SLC2A9: variants seen among roughly 807,000 people sequenced by gnomAD.
SLC2A9 encodes the protein solute carrier family 2 member 9.
A neutral mutation model predicts 50.6 loss-of-function variants in SLC2A9; 39 were observed. That is an observed-to-expected ratio of 0.77 (90% CI 0.60 to 1.01). SLC2A9 has a LOEUF of 1.01. SLC2A9 is among the 50% of genes least tolerant of loss of function. The probability of loss-of-function intolerance (pLI) is 0.00; values close to 1 mark genes in which losing one functional copy is unlikely to be tolerated. For synonymous variants in SLC2A9, 324 were observed against 276.9 expected (o/e 1.17, Z -1.69); for missense variants, 686 against 677.6 (o/e 1.01, Z -0.14).
chr4:9,956,806 C>A (rs1458018367), intron 5 of SLC2A9, among the ~76,000 whole-genome samples: 1 of 152,048 alleles, frequency 6.6e-6, no homozygotes. Flanking sequence ...TTGTCCATGC[C>A]GATTTATCTT....
chr4:9,773,944 T>C (rs1426408568), intron 1 of SLC2A9, among the ~76,000 whole-genome samples: 2 of 152,092 alleles, frequency 1.3e-5, no homozygotes, highest in East Asian at 1.9e-4. Flanking sequence ...TAAGGTCTTA[T>C]TGATACACAG....
intron 6 of SLC2A9, chr4:9,922,965 C>T (rs996386107): frequency 1.3e-5 from 2 of 152,558 alleles, no homozygotes; most frequent in African/African-American, 2.4e-5. Context: ...GTCCGCCCCC[C>T]ACCCCTCCAT....
intron 8 of SLC2A9, among the ~76,000 whole-genome samples, chr4:9,899,181 T>C (rs1323546467): frequency 1.3e-5 from 2 of 152,248 alleles, no homozygotes; most frequent in Non-Finnish European, 2.9e-5. Context: ...AGCTGTTTCC[T>C]AATCCTGACA....
rs115847025 is a variant in SLC2A9, at chr4:10,012,516, A to T, written c.249+6459T>A. On this transcript the variant is annotated intron_variant, in intron 2 of 11. Coordinates refer to ENST00000264784, the MANE Select transcript of SLC2A9 (RefSeq NM_020041.3). ...TGAAGGGAAGGAGGACAAGAAGTAA[A>T]GGAATATGTCATATCTCAGGTAGTG... 6.5e-3 allele frequency among the ~76,000 whole-genome samples: 989 copies of T among 152,346 alleles called. 8 individuals carry two copies. Among genetic ancestry groups the T allele is most frequent in the African/African-American group, 0.02 (849 of 41,580 alleles).
At chr4:9,831,715 T>C (rs1325942186) in intron 11 of SLC2A9, among the ~76,000 whole-genome samples, 1 of 152,154 alleles carries the variant, frequency 6.6e-6, no homozygotes, top group Non-Finnish European at 1.5e-5. Context: ...CTGCTGACCT[T>C]GAAGGGCAAG....
At chr4:9,930,531 C>T (rs1745714354) in intron 6 of SLC2A9, among the ~76,000 whole-genome samples, 1 of 152,180 alleles carries the variant, frequency 6.6e-6, no homozygotes, top group South Asian at 2.1e-4. Context: ...GCAGCGCTTG[C>T]ACTAGGGGAA....
At chr4:10,001,630 G>A (rs148362820) in intron 2 of SLC2A9, among the ~76,000 whole-genome samples, 516 of 152,086 alleles carry the variant, frequency 3.4e-3, no homozygotes, top group African/African-American at 0.012. Context: ...GGTCCAAACT[G>A]CCATCCCCTC....
At chr4:9,936,554 T>C (rs1747118999) in intron 6 of SLC2A9, among the ~76,000 whole-genome samples, 1 of 152,198 alleles carries the variant, frequency 6.6e-6, no homozygotes, top group African/African-American at 2.4e-5. Context: ...CCAGAATGTT[T>C]CTCAAGCACT....
intron 5 of SLC2A9, among the ~76,000 whole-genome samples, chr4:9,980,285 A>G (rs116839315): frequency 6.6e-6 from 1 of 152,202 alleles, no homozygotes; most frequent in Non-Finnish European, 1.5e-5. Flanking sequence ...GCCACAATAA[A>G]CTATATATGT....
intron 10 of SLC2A9, among the ~76,000 whole-genome samples, chr4:9,836,043 A>G (rs2109158976): frequency 6.8e-6 from 1 of 146,844 alleles, no homozygotes; most frequent in East Asian, 2.0e-4. Context: ...GCCGAGATCA[A>G]GCATATTGCA....
intron 3 of SLC2A9, among the ~76,000 whole-genome samples, chr4:9,809,500 G>C (rs1722571757): frequency 6.6e-6 from 1 of 152,208 alleles, no homozygotes; most frequent in Non-Finnish European, 1.5e-5. Context: ...GAAGGGAGCA[G>C]AATGGCCCGG....
At chr4:9,901,715 C>T (rs1342834131) in intron 8 of SLC2A9, among the ~76,000 whole-genome samples, 1 of 152,204 alleles carries the variant, frequency 6.6e-6, no homozygotes, top group Non-Finnish European at 1.5e-5. Flanking sequence ...CAGCCACATC[C>T]TTGCCCCTGC....
At chr4:9,802,563 T>C (rs889491353) in intron 3 of SLC2A9, among the ~76,000 whole-genome samples, 10 of 147,834 alleles carry the variant, frequency 6.8e-5, no homozygotes, top group Admixed American at 1.3e-4. Flanking sequence ...TCTTTTCTTT[T>C]TTTTTTTTTT....
chr4:9,811,100 C>T (rs1187725805), intron 3 of SLC2A9, among the ~76,000 whole-genome samples: 1 of 152,104 alleles, frequency 6.6e-6, no homozygotes, highest in Non-Finnish European at 1.5e-5. Context: ...CATGACCAAG[C>T]TGGCCAATCA....
chr4:9,964,471 C>G (rs773610821), intron 5 of SLC2A9, among the ~76,000 whole-genome samples: 8 of 152,190 alleles, frequency 5.3e-5, no homozygotes, highest in African/African-American at 1.9e-4. Flanking sequence ...TTCAACCCAT[C>G]TGAACATTTT....
intron 1 of SLC2A9, among the ~76,000 whole-genome samples, chr4:10,030,719 A>T (rs115368818): frequency 2.6e-4 from 39 of 152,210 alleles, no homozygotes; most frequent in African/African-American, 7.5e-4. Context: ...GTTTTGAGAA[A>T]CTCTAAACTA....
intron 8 of SLC2A9, among the ~76,000 whole-genome samples, chr4:9,897,037 G>C (rs1203004087): frequency 2.6e-5 from 4 of 152,106 alleles, no homozygotes; most frequent in Non-Finnish European, 5.9e-5. Flanking sequence ...TCTTGGGGTA[G>C]GTGCTGTTAT....
chr4:9,841,847 T>C (rs1373620891), intron 10 of SLC2A9, among the ~76,000 whole-genome samples: 1 of 152,126 alleles, frequency 6.6e-6, no homozygotes, highest in African/African-American at 2.4e-5. Context: ...TTGAGAGGGC[T>C]GTTTGGGGGG....
intron 3 of SLC2A9, among the ~76,000 whole-genome samples, chr4:9,791,230 GT>G (rs1719877728): frequency 1.3e-5 from 2 of 152,180 alleles, no homozygotes; most frequent in African/African-American, 4.8e-5. Flanking sequence ...ATAAGCATTT[GT>G]TGAATAAATA....
Sources: allele counts gnomAD v4.1 joint callset (sites outside exome capture counted in the v4.1 genomes callset), GRCh38; gene constraint gnomAD v4.1.1; transcripts MANE v1.5; gene names NCBI Gene and HGNC (gene_info 2026-07-23, HGNC 2026-07-21).